Variants in ZFHX4 observed in about 807,000 individuals in gnomAD.
The protein encoded by ZFHX4 is zinc finger homeobox 4.
ZFHX4 carries 56 observed loss-of-function variants against 267.6 expected under a neutral mutation model. The observed-to-expected ratio is 0.21, with a 90% confidence interval of 0.17 to 0.26. The LOEUF is 0.26. Among genes scored for constraint, ZFHX4 ranks in the 10% least tolerant of loss-of-function variants. The pLI is 1.00. For missense variants in ZFHX4, 4,332 were observed against 4,420.0 expected (o/e 0.98, Z 0.56); for synonymous variants, 1,778 against 1,665.6 (o/e 1.07, Z -1.64).
intron 3 of ZFHX4, among the ~76,000 whole-genome samples, chr8:76,716,661 A>G (rs1050488513): frequency 5.3e-5 from 8 of 152,138 alleles, no homozygotes; most frequent in Non-Finnish European, 1.5e-5. Flanking sequence ...TCTTAAAGGT[A>G]TTGCAGATGT....
At chr8:76,710,618 T>A (rs1348506934) in intron 3 of ZFHX4, among the ~76,000 whole-genome samples, 1 of 152,218 alleles carries the variant, frequency 6.6e-6, no homozygotes, top group African/African-American at 2.4e-5. Flanking sequence ...TTTTGCATCA[T>A]GAATTATTTA....
rs552745466 is a variant in ZFHX4, at chr8:76,853,155, T to C, written c.6234T>C (p.Phe2078=). ...QLPVSLDLPL[F]PSIMMQPVQH... is the part of the protein sequence containing the mutation. ...CGGTTTCTCTGGACCTGCCGCTCTT[T>C]CCTTCCATTATGATGCAACCTGTGC... The change falls in exon 10 of 11, where the codon TTT becomes TTC. Residue 2078 remains phenylalanine (F), a synonymous_variant. Coordinates refer to ENST00000651372, the MANE Select transcript of ZFHX4 (RefSeq NM_024721.5). The C allele has an allele frequency of 8.4e-6, 13 of 1,548,848 alleles. No homozygotes were observed. The South Asian group carries it at 9.5e-5, about 11-fold the overall frequency.
rs1359089519 is a variant in ZFHX4 at position 76,704,822 on chromosome 8, G to T, written c.734G>T (p.Gly245Val). 6 of 1,614,052 alleles carry T rather than the reference G, an allele frequency of 3.7e-6. No homozygotes were observed. The South Asian group carries it at 6.6e-5, about 18-fold the overall frequency. Residue 245 changes from glycine (G) to valine (V), a missense_variant, in exon 2 of 11, where the codon GGC (glycine) becomes GTC (valine). Transcript: ENST00000651372. ...GAGAAAGACTATCTAACCAGTGATG[G>T]CTCAGCCAAAAACTCCTGTGTGTCC... ...KREKDYLTSDGSAKNSCVSKD... is the reference protein window; with the variant it reads ...KREKDYLTSDVSAKNSCVSKD...
rs751341224 is a variant in ZFHX4, at chr8:76,704,247, G to A, written c.159G>A (p.Thr53=). The change falls in exon 2 of 11, where the codon ACG becomes ACA. Residue 53 remains threonine (T), a synonymous_variant. Coordinates refer to ENST00000651372, the MANE Select transcript of ZFHX4 (RefSeq NM_024721.5). The part of the protein sequence containing the change: ...ENSSTDDNLK[T]DERKSEALLG... The stretch of plus-strand genomic sequence containing the variant: ...GCTCCACAGATGACAACCTGAAAAC[G>A]GATGAGCGCAAAAGTGAAGCCTTGC... 1.2e-6 allele frequency: 2 copies of A among 1,613,978 alleles called. No homozygotes were observed. The highest frequency in any genetic ancestry group is 1.7e-6 in the Non-Finnish European group (2 of 1,179,884).
At chr8:76,745,059 A>G (rs559533559) in intron 3 of ZFHX4, among the ~76,000 whole-genome samples, 1 of 152,290 alleles carries the variant, frequency 6.6e-6, no homozygotes, top group Admixed American at 6.5e-5. Flanking sequence ...TGGTATTTCT[A>G]CAGAGGCTGT....
Position 76,864,590 on chromosome 8 carries a change from A to T in ZFHX4, c.*25A>T. The stretch of plus-strand genomic sequence containing the variant: ...GGAGTGAAGACAGGATCCCGTGCTT[A>T]AAAAAATAAAAAATAAAAAAATAAA... On this transcript the variant is annotated 3_prime_UTR_variant, in exon 11 of 11. Transcript: ENST00000651372. The T allele has an allele frequency of 3.8e-6, 5 of 1,332,384 alleles. No individual in the cohort carries two copies. Among genetic ancestry groups the T allele is most frequent in the Non-Finnish European group, 4.9e-6 (5 of 1,028,966 alleles). 82.5% of individuals were successfully genotyped at this position (1,332,384 alleles called of 1,614,324 possible).
chr8:76,866,760 C>T lies in ZFHX4; in HGVS notation c.*2195C>T, dbSNP rs772898362. 4 of 147,526 alleles carry T rather than the reference C, an allele frequency of 2.7e-5. No individual in the cohort carries two copies. Among genetic ancestry groups the T allele is most frequent in the Admixed American group, 6.9e-5 (1 of 14,576 alleles). The allele number at this position is 147,526 out of a possible 1,614,324, so 9.1% of individuals were successfully genotyped here. A position where few individuals can be genotyped will look rare whatever the true frequency, so the allele number is the denominator to read the frequency against. On this transcript the variant is annotated 3_prime_UTR_variant, in exon 11 of 11. Coordinates refer to ENST00000651372, the MANE Select transcript of ZFHX4 (RefSeq NM_024721.5). ...ACAAATGATTATTCCGACAGTGTGT[C>T]GACATAAACTTTTACAACTGCACAG...
At chr8:76,762,103 T>A (rs1238202310) in intron 3 of ZFHX4, among the ~76,000 whole-genome samples, 1 of 152,188 alleles carries the variant, frequency 6.6e-6, no homozygotes, top group African/African-American at 2.4e-5. Context: ...AGTGTTTTGT[T>A]CTAATAGATA....
chr8:76,838,211 G>A (rs1014671976), intron 5 of ZFHX4, among the ~76,000 whole-genome samples: 5 of 152,078 alleles, frequency 3.3e-5, no homozygotes, highest in African/African-American at 4.8e-5. Flanking sequence ...CAGGAACATC[G>A]GGCATTACCT....
At position 76,854,419 on chromosome 8, in the gene ZFHX4, G is replaced by A. The variant is rs1234076259; in HGVS notation, c.7498G>A (p.Val2500Ile). The part of the protein sequence containing the change: ...LLQYQCDQCT[V>I]AFPTLELWQE... Reference sequence around the variant, plus strand: ...ACAATACCAATGTGATCAGTGTACAGTTGCCTTCCCAACTCTGGAACTCTG... The same window carrying A: ...ACAATACCAATGTGATCAGTGTACAATTGCCTTCCCAACTCTGGAACTCTG... The change falls in exon 10 of 11, where the codon GTT becomes ATT. Residue 2500 changes from valine (V) to isoleucine (I), a missense_variant. Coordinates refer to ENST00000651372, the MANE Select transcript of ZFHX4 (RefSeq NM_024721.5). The A allele has an allele frequency of 1.2e-6, 2 of 1,613,966 alleles. No homozygotes were observed. Among genetic ancestry groups the A allele is most frequent in the Admixed American group, 1.7e-5 (1 of 60,024 alleles).
At chr8:76,734,491 G>A (rs183183068) in intron 3 of ZFHX4, among the ~76,000 whole-genome samples, 133 of 152,172 alleles carry the variant, frequency 8.7e-4, no homozygotes, top group South Asian at 7.3e-3. Flanking sequence ...CATTTGATAG[G>A]CAGTTGATTA....
At chr8:76,765,005 T>C (rs1215492208) in intron 3 of ZFHX4, among the ~76,000 whole-genome samples, 1 of 152,142 alleles carries the variant, frequency 6.6e-6, no homozygotes, top group Non-Finnish European at 1.5e-5. Context: ...GACCCAACTT[T>C]CAGGCACCAT....
At chr8:76,687,688 A>C (rs1807725969) in intron 1 of ZFHX4, among the ~76,000 whole-genome samples, 1 of 152,156 alleles carries the variant, frequency 6.6e-6, no homozygotes, top group South Asian at 2.1e-4. Flanking sequence ...TCTACTAATA[A>C]TCTCTGGTTT....
At position 76,707,731 on chromosome 8, in the gene ZFHX4, A is replaced by C; in HGVS notation, c.2776A>C (p.Ser926Arg). The change falls in exon 3 of 11, where the codon AGT becomes CGT. Residue 926 changes from serine to arginine, a missense_variant. Ser to Arg is a moderately radical substitution (Grantham distance 110). Transcript: ENST00000651372. ...GGAGGCCCTAAGTGTGCATGTGAGC[A>C]GTGAGCGCTCTCTCCCTGAAGAGGA... ...SLEALSVHVS[S>R]ERSLPEEEWR... 2 of 1,613,896 alleles carry C rather than the reference A, an allele frequency of 1.2e-6. No individual in the cohort carries two copies. Among genetic ancestry groups the C allele is most frequent in the Non-Finnish European group, 1.7e-6 (2 of 1,179,876 alleles).
intron 6 of ZFHX4, among the ~76,000 whole-genome samples, chr8:76,845,431 A>G (rs1212636670): frequency 6.6e-6 from 1 of 152,050 alleles, no homozygotes; most frequent in Non-Finnish European, 1.5e-5. Flanking sequence ...AGTAAACATG[A>G]GGAAAGATGG....
At chr8:76,736,554 T>C (rs752061246) in intron 3 of ZFHX4, among the ~76,000 whole-genome samples, 1 of 151,854 alleles carries the variant, frequency 6.6e-6, no homozygotes, top group Non-Finnish European at 1.5e-5. Context: ...AAGAGAAATA[T>C]AGTGTGAAAA....
In ZFHX4 at chr8:76,705,584, A is replaced by T; in HGVS notation, c.1496A>T (p.Asp499Val). 1 of 1,613,770 alleles carries T rather than the reference A, an allele frequency of 6.2e-7. No homozygotes were observed. The highest frequency in any genetic ancestry group is 8.5e-7 in the Non-Finnish European group (1 of 1,179,786). ...GELTDSIGNK[D>V]FPLLNQSISP... ...CTCACCGATAGTATTGGTAACAAAG[A>T]TTTCCCTCTCTTAAACCAAAGCATT... Residue 499 changes from aspartate (D) to valine (V), a missense_variant, in exon 2 of 11, where the codon GAT becomes GTT. Asp to Val is a radical substitution (Grantham distance 152). Transcript: ENST00000651372.
At position 76,850,343 on chromosome 8, in the gene ZFHX4, G is replaced by A; in HGVS notation, c.3945G>A (p.Glu1315=). The change falls in exon 9 of 11, where the codon GAG becomes GAA. Residue 1315 remains glutamate (E), a synonymous_variant. Coordinates refer to ENST00000651372, the MANE Select transcript of ZFHX4 (RefSeq NM_024721.5). ...ERDTPAAVTA[E]GSGKYSGESP... ...ACACACCTGCAGCCGTGACAGCTGA[G>A]GGGTCTGGGAAATATTCAGGTATGC... is the stretch of plus-strand genomic sequence containing the variant. The A allele has an allele frequency of 6.2e-7, 1 of 1,612,018 alleles. No individual in the cohort carries two copies. The highest frequency in any genetic ancestry group is 2.2e-5 in the East Asian group (1 of 44,756).
Position 76,852,983 on chromosome 8 carries a change from C to A in ZFHX4, c.6062C>A (p.Ser2021Tyr). Residue 2021 changes from serine (S) to tyrosine (Y), a missense_variant, in exon 10 of 11, where the codon TCT (serine) becomes TAT (tyrosine). By Grantham distance (144) the Ser-to-Tyr change is moderately radical (BLOSUM62 -2). Transcript: ENST00000651372. ...PLPPAPPQPSSMGPVKIPNTV... is the reference protein window; with the variant it reads ...PLPPAPPQPSYMGPVKIPNTV... The stretch of plus-strand genomic sequence containing the variant: ...CCTCCGGCTCCTCCACAGCCTTCTT[C>A]TATGGGTCCTGTAAAGATCCCCAAC... The A allele has an allele frequency of 6.4e-7, 1 of 1,550,960 alleles. No homozygotes were observed. Among genetic ancestry groups the A allele is most frequent in the Non-Finnish European group, 8.7e-7 (1 of 1,144,886 alleles).
Sources: allele counts gnomAD v4.1 joint callset (sites outside exome capture counted in the v4.1 genomes callset), GRCh38; gene constraint gnomAD v4.1.1; transcripts MANE v1.5; gene names NCBI Gene and HGNC (gene_info 2026-07-23, HGNC 2026-07-21).